Variants in MSRA observed in about 807,000 individuals in gnomAD.
MSRA encodes methionine sulfoxide reductase A.
MSRA carries 54 observed loss-of-function variants against 31.3 expected under a neutral mutation model. The ratio of observed to expected loss-of-function variants is 1.73; its 90% CI spans 1.39 to 2.17. The LOEUF is 2.17. Among genes scored for constraint, MSRA ranks in the 30% most tolerant of loss-of-function variants. The probability of loss-of-function intolerance (pLI) is 0.00; values close to 1 mark genes in which losing one functional copy is unlikely to be tolerated. For synonymous variants in MSRA, 169 were observed against 116.5 expected, an observed-to-expected ratio of 1.45 and a Z score of -2.90; for missense variants, 507 against 300.9, an observed-to-expected ratio of 1.69 and a Z score of -5.07.
rs967579581 is a variant in MSRA at position 10,243,251 on chromosome 8, C to T, written c.212-1853C>T. On this transcript the variant is annotated intron_variant, in intron 2 of 5. Coordinates refer to ENST00000317173, the MANE Select transcript of MSRA (RefSeq NM_012331.5). ...TTTATTCAACAAACTCTGCAGACTC[C>T]TGAACTTTAGGGGTGGGCTGCCTTC... Among the ~76,000 whole-genome samples the T allele has an allele frequency of 2.0e-5, 3 of 152,162 alleles. No homozygotes were observed. In the East Asian group the frequency reaches 5.8e-4, roughly 29 times the overall value.
At chr8:10,221,968 C>T (rs908270015) in intron 2 of MSRA, among the ~76,000 whole-genome samples, 4 of 152,030 alleles carry the variant, frequency 2.6e-5, no homozygotes, top group Non-Finnish European at 2.9e-5. Context: ...TCAGAGACTA[C>T]GAGATCATGA....
chr8:10,415,424 G>A (rs189788232), intron 5 of MSRA, among the ~76,000 whole-genome samples: 1 of 152,296 alleles, frequency 6.6e-6, no homozygotes, highest in African/African-American at 2.4e-5. Flanking sequence ...AGAGGCACCT[G>A]CTGTCTTTGC....
At chr8:10,355,355 T>C (rs931552744) in intron 5 of MSRA, among the ~76,000 whole-genome samples, 3 of 152,254 alleles carry the variant, frequency 2.0e-5, no homozygotes, top group African/African-American at 7.2e-5. Context: ...TTATCGCCGA[T>C]AGATATGACA....
intron 3 of MSRA, among the ~76,000 whole-genome samples, chr8:10,268,580 C>G (rs138176460): frequency 2.0e-5 from 3 of 152,352 alleles, no homozygotes; most frequent in East Asian, 1.9e-4. Context: ...ATAGTAAGAC[C>G]TCAATAAGTT....
chr8:10,322,433 G>C (rs372973970), intron 5 of MSRA, among the ~76,000 whole-genome samples: 1 of 152,226 alleles, frequency 6.6e-6, no homozygotes, highest in Admixed American at 6.5e-5. Context: ...AACTTCACTG[G>C]AAGTGGAGAG....
intron 5 of MSRA, among the ~76,000 whole-genome samples, chr8:10,383,830 G>A (rs893816255): frequency 6.6e-6 from 1 of 152,148 alleles, no homozygotes; most frequent in African/African-American, 2.4e-5. Flanking sequence ...GGGGACTTCT[G>A]CTTCACTTGA....
At chr8:10,090,883 C>G (rs1361119267) in intron 1 of MSRA, among the ~76,000 whole-genome samples, 1 of 152,172 alleles carries the variant, frequency 6.6e-6, no homozygotes, top group Non-Finnish European at 1.5e-5. Context: ...CTTTGTATTG[C>G]TGAGTAATAT....
intron 3 of MSRA, among the ~76,000 whole-genome samples, chr8:10,252,269 T>G (rs1797956345): frequency 2.6e-5 from 4 of 152,110 alleles, no homozygotes; most frequent in Admixed American, 6.5e-5. Context: ...CAAAAGAAGT[T>G]CGAATCGTAC....
At chr8:10,376,399 A>T (rs1208214951) in intron 5 of MSRA, among the ~76,000 whole-genome samples, 1 of 152,202 alleles carries the variant, frequency 6.6e-6, no homozygotes, top group Non-Finnish European at 1.5e-5. Context: ...ATACCTAATT[A>T]GAGGCAGGAC....
chr8:10,365,844 G>C (rs550788298), intron 5 of MSRA, among the ~76,000 whole-genome samples: 1 of 152,206 alleles, frequency 6.6e-6, no homozygotes, highest in Non-Finnish European at 1.5e-5. Flanking sequence ...CTGGGTAAGG[G>C]AGGAACGATG....
chr8:10,266,527 CTG>C (rs770888040), intron 3 of MSRA, among the ~76,000 whole-genome samples: 1 of 151,966 alleles, frequency 6.6e-6, no homozygotes, highest in Non-Finnish European at 1.5e-5. Context: ...TTATCTGAGT[CTG>C]TGGCTTGTCT....
intron 1 of MSRA, among the ~76,000 whole-genome samples, chr8:10,132,374 C>T (rs1801958419): frequency 6.6e-6 from 1 of 152,222 alleles, no homozygotes; most frequent in Non-Finnish European, 1.5e-5. Context: ...GGACCCCCAT[C>T]ACTAAGCCTG....
intron 5 of MSRA, among the ~76,000 whole-genome samples, chr8:10,398,995 G>C (rs867811231): frequency 6.6e-6 from 1 of 152,168 alleles, no homozygotes; most frequent in African/African-American, 2.4e-5. Context: ...AAAGCCCGAG[G>C]ACTGGGTTCG....
intron 5 of MSRA, among the ~76,000 whole-genome samples, chr8:10,384,510 A>C (rs1158430400): frequency 6.6e-6 from 1 of 152,052 alleles, no homozygotes; most frequent in Non-Finnish European, 1.5e-5. Context: ...CAGGTTCTCA[A>C]CTCTGGCTGC....
intron 3 of MSRA, among the ~76,000 whole-genome samples, chr8:10,260,798 A>G (rs539563068): frequency 6.6e-6 from 1 of 152,326 alleles, no homozygotes; most frequent in East Asian, 1.9e-4. Flanking sequence ...CTTACCTTTA[A>G]TTCATCTTTG....
chr8:10,299,007 T>A (rs1800694513), intron 3 of MSRA, among the ~76,000 whole-genome samples: 1 of 152,202 alleles, frequency 6.6e-6, no homozygotes, highest in Admixed American at 6.5e-5. Context: ...TTTTACCCTG[T>A]CACTAGCCAA....
rs59393980 is a variant in MSRA, at chr8:10,219,806, C to CAAAAAAAAAAAAAAA, written c.211+11913_211+11927dup. Among the ~76,000 whole-genome samples, 4 of 57,124 alleles carry CAAAAAAAAAAAAAAA rather than the reference C, an allele frequency of 7.0e-5. 1 individual carries two copies. Among genetic ancestry groups the CAAAAAAAAAAAAAAA allele is most frequent in the African/African-American group, 3.6e-4 (4 of 11,078 alleles). 37.5% of individuals were successfully genotyped at this position (57,124 alleles called of 152,430 possible). ...GGACGACAGATCGAGACTCTGTCTC[C>CAAAAAAAAAAAAAAA]AAAAAAAAAAAAAAAAAAAAAAGAT... On this transcript the variant is annotated intron_variant, in intron 2 of 5. Coordinates refer to ENST00000317173, the MANE Select transcript of MSRA (RefSeq NM_012331.5).
chr8:10,179,620 C>T (rs1364181003), intron 1 of MSRA, among the ~76,000 whole-genome samples: 1 of 152,134 alleles, frequency 6.6e-6, no homozygotes, highest in Non-Finnish European at 1.5e-5. Flanking sequence ...CTGGTCCAGC[C>T]CTGAATCGAC....
intron 3 of MSRA, among the ~76,000 whole-genome samples, chr8:10,273,603 G>C (rs1184182508): frequency 1.3e-5 from 2 of 152,146 alleles, no homozygotes; most frequent in African/African-American, 4.8e-5. Context: ...GTGATAGAAA[G>C]TTAGCTTTCT....
Sources: gnomAD v4.1 joint callset for allele counts (sites outside exome capture counted in the v4.1 genomes callset) on GRCh38, gnomAD v4.1.1 for gene constraint, MANE v1.5 for transcripts, NCBI Gene and HGNC (gene_info 2026-07-23, HGNC 2026-07-21) for gene names.